EBF2: variants seen among roughly 807,000 people sequenced by gnomAD.
EBF2 encodes the protein EBF transcription factor 2, also known as transcription factor COE2.
In EBF2, 21 loss-of-function variants were observed where a neutral mutation model predicts 72.8. That is an observed-to-expected ratio of 0.29 (90% CI 0.20 to 0.42). EBF2 has a LOEUF of 0.42. EBF2 is among the 10% of genes least tolerant of loss of function. The pLI is 1.00. For missense variants in EBF2, 637 were observed against 731.2 expected (o/e 0.87, Z 1.49); for synonymous variants, 299 against 274.2 (o/e 1.09, Z -0.89).
intron 7 of EBF2, among the ~76,000 whole-genome samples, chr8:25,906,626 G>T (rs1045363611): frequency 6.6e-6 from 1 of 152,120 alleles, no homozygotes. Context: ...AATTAGCCAG[G>T]CGTGGTGGCA....
intron 6 of EBF2, among the ~76,000 whole-genome samples, chr8:25,998,945 G>A (rs980174790): frequency 2.6e-5 from 4 of 152,100 alleles, no homozygotes; most frequent in Non-Finnish European, 4.4e-5. Flanking sequence ...ACTTGCCAGC[G>A]CCACTGAGTA....
rs112762648 is a variant in EBF2 at position 25,989,613 on chromosome 8, C to T, written c.551+43472G>A. Among the ~76,000 whole-genome samples, 608 of 152,300 alleles carry T rather than the reference C, an allele frequency of 4.0e-3. 2 individuals are homozygous for T. Among genetic ancestry groups the T allele is most frequent in the Non-Finnish European group, 6.2e-3 (423 of 68,024 alleles). ...TCAACATGATTCAGATACATGACAA[C>T]GCAAATGGCTTGCAGACAACTCTCC... On this transcript the variant is annotated intron_variant, in intron 6 of 15. Transcript: ENST00000520164.
chr8:25,946,528 T>C (rs1234019804), intron 6 of EBF2, among the ~76,000 whole-genome samples: 1 of 152,192 alleles, frequency 6.6e-6, no homozygotes. Context: ...TCTGCAGAGA[T>C]GTCATCATGT....
At chr8:25,915,083 G>C (rs1289720996) in intron 6 of EBF2, among the ~76,000 whole-genome samples, 2 of 152,018 alleles carry the variant, frequency 1.3e-5, no homozygotes, top group East Asian at 3.8e-4. Flanking sequence ...TATTTGCCAG[G>C]TATGATTTCA....
At position 25,992,735 on chromosome 8, in the gene EBF2, G is replaced by A. The variant is rs549972289; in HGVS notation, c.551+40350C>T. Among the ~76,000 whole-genome samples, 46 of 151,798 alleles carry A rather than the reference G, an allele frequency of 3.0e-4. 1 individual carries two copies. In the East Asian group the frequency reaches 5.4e-3, roughly 18 times the overall value. ...CTGGGCAACATGGTGAGACTTCATC[G>A]CTACAAAAAAATACAAAAATTAGCA... On this transcript the variant is annotated intron_variant, in intron 6 of 15. Coordinates refer to ENST00000520164, the MANE Select transcript of EBF2 (RefSeq NM_022659.4).
At chr8:25,858,284 A>T in intron 14 of EBF2, 35 bp downstream of exon 14, 1 of 1,612,044 alleles carries the variant, frequency 6.2e-7, no homozygotes, top group Non-Finnish European at 8.5e-7. Context: ...GAGACAAAAA[A>T]GCATGGAGAG....
At chr8:25,984,150 G>A (rs1804408858) in intron 6 of EBF2, among the ~76,000 whole-genome samples, 1 of 152,132 alleles carries the variant, frequency 6.6e-6, no homozygotes, top group South Asian at 2.1e-4. Context: ...AATTATTTCC[G>A]GAATGCGAAA....
chr8:25,895,753 C>T (rs777510955), intron 7 of EBF2, among the ~76,000 whole-genome samples: 8 of 152,182 alleles, frequency 5.3e-5, no homozygotes, highest in Non-Finnish European at 5.9e-5. Flanking sequence ...TGGACACATC[C>T]GTTAATCTGC....
chr8:25,916,697 A>T (rs1396215229), intron 6 of EBF2, among the ~76,000 whole-genome samples: 1 of 152,188 alleles, frequency 6.6e-6, no homozygotes, highest in Non-Finnish European at 1.5e-5. Context: ...GGGAGAAAAC[A>T]ACATCAAAAA....
intron 6 of EBF2, among the ~76,000 whole-genome samples, chr8:26,000,964 G>A (rs1432920222): frequency 7.2e-5 from 11 of 152,284 alleles, no homozygotes; most frequent in East Asian, 3.9e-4. Flanking sequence ...GGAGGTTGGC[G>A]CAAAAATCAA....
intron 6 of EBF2, among the ~76,000 whole-genome samples, chr8:25,986,254 T>G (rs950303706): frequency 2.6e-5 from 4 of 152,122 alleles, no homozygotes; most frequent in Admixed American, 6.5e-5. Flanking sequence ...TAGAATGCCC[T>G]CCACCTGCTT....
At chr8:26,041,872 G>A (rs1280340718) in intron 2 of EBF2, among the ~76,000 whole-genome samples, 1 of 152,166 alleles carries the variant, frequency 6.6e-6, no homozygotes, top group Non-Finnish European at 1.5e-5. Context: ...CTCCAGGCTC[G>A]GTGCGCAGAG....
chr8:25,927,767 T>C (rs935891043), intron 6 of EBF2, among the ~76,000 whole-genome samples: 2 of 152,162 alleles, frequency 1.3e-5, no homozygotes, highest in African/African-American at 2.4e-5. Context: ...GGAACTTAAG[T>C]CCTAAACAGT....
chr8:25,965,000 G>C lies in EBF2; in HGVS notation c.552-56445C>G, dbSNP rs80274389. On this transcript the variant is annotated intron_variant, in intron 6 of 15. Coordinates refer to ENST00000520164, the MANE Select transcript of EBF2 (RefSeq NM_022659.4). Reference sequence around the variant, plus strand: ...CAATATCAATAATTGATGGAGCTATGATATCTAGAGCATCAGCACATTAAT... The same window carrying C: ...CAATATCAATAATTGATGGAGCTATCATATCTAGAGCATCAGCACATTAAT... 1.7e-3 allele frequency among the ~76,000 whole-genome samples: 255 copies of C among 152,256 alleles called. 7 individuals are homozygous for C. In the East Asian group the frequency reaches 0.041, roughly 25 times the overall value.
chr8:25,936,992 G>C (rs1803590280), intron 6 of EBF2, among the ~76,000 whole-genome samples: 1 of 152,106 alleles, frequency 6.6e-6, no homozygotes, highest in Non-Finnish European at 1.5e-5. Flanking sequence ...GAAATGCTTG[G>C]GTTAGAGGAA....
At chr8:25,888,243 C>A (rs1802725310) in intron 8 of EBF2, among the ~76,000 whole-genome samples, 2 of 152,180 alleles carry the variant, frequency 1.3e-5, no homozygotes, top group Admixed American at 1.3e-4. Flanking sequence ...AAGGGCTGGA[C>A]ACCCGTATTT....
At chr8:25,882,038 G>C (rs1305447209) in intron 10 of EBF2, among the ~76,000 whole-genome samples, 1 of 152,206 alleles carries the variant, frequency 6.6e-6, no homozygotes, top group African/African-American at 2.4e-5. Context: ...ACCAAAGCAA[G>C]AACCCTGGAA....
intron 6 of EBF2, among the ~76,000 whole-genome samples, chr8:25,991,184 A>G (rs954917677): frequency 4.2e-4 from 64 of 152,234 alleles, no homozygotes; most frequent in African/African-American, 1.5e-3. Flanking sequence ...TTCTCTTCCA[A>G]TAATACTGGG....
intron 6 of EBF2, among the ~76,000 whole-genome samples, chr8:25,917,309 C>A (rs983866375): frequency 6.6e-6 from 1 of 151,624 alleles, no homozygotes; most frequent in East Asian, 1.9e-4. Flanking sequence ...GAGGAAAAGT[C>A]CTTGTTTTTG....
Sources: allele counts gnomAD v4.1 joint callset (sites outside exome capture counted in the v4.1 genomes callset), GRCh38; gene constraint gnomAD v4.1.1; transcripts MANE v1.5; gene names NCBI Gene and HGNC (gene_info 2026-07-23, HGNC 2026-07-21).